Variants in DIMT1 observed in about 807,000 individuals in gnomAD.
DIMT1 encodes the protein DIM1 rRNA methyltransferase and ribosome maturation factor, also known as dimethyladenosine transferase.
Under a neutral mutation model 43.2 loss-of-function variants are expected in DIMT1, and 36 were observed. That is an observed-to-expected ratio of 0.83 (90% confidence interval 0.64 to 1.10). DIMT1 has a LOEUF of 1.10. Among genes scored for constraint, DIMT1 ranks in the 50% least tolerant of loss-of-function variants. The pLI, the probability that DIMT1 is intolerant of heterozygous loss-of-function variation, is 0.00. For synonymous variants in DIMT1, 126 were observed against 130.3 expected, an observed-to-expected ratio of 0.97 and a Z score of 0.22; for missense variants, 341 against 385.3, an observed-to-expected ratio of 0.88 and a Z score of 0.96.
In DIMT1 at chr5:62,402,063, A is replaced by T. The variant is rs766058886; in HGVS notation, c.213T>A (p.Thr71=). 6.2e-7 allele frequency: 1 copy of T among 1,613,842 alleles called. No homozygotes were observed. Among genetic ancestry groups the T allele is most frequent in the Non-Finnish European group, 8.5e-7 (1 of 1,179,956 alleles). The change falls in exon 3 of 12, where the codon ACT becomes ACA. Residue 71 remains threonine (T), a synonymous_variant. Transcript: ENST00000199320. ...TTTTTGCCTTTTCTAACAACTTTAC[A>T]GTCATGTTGCCAGTTCCAGGTCCAA... ...LEVGPGTGNM[T]VKLLEKAKKV... is the part of the protein sequence containing the mutation.
chr5:62,396,316 C>G (rs766570619), intron 6 of DIMT1, among the ~76,000 whole-genome samples: 67 of 151,656 alleles, frequency 4.4e-4, no homozygotes, highest in Non-Finnish European at 7.4e-4. Flanking sequence ...GGGAGACAGC[C>G]TGGGCAACAT....
In DIMT1 at chr5:62,403,895, G is replaced by T. The variant is rs928856001; in HGVS notation, c.-123C>A. 5 of 1,028,970 alleles carry T rather than the reference G, an allele frequency of 4.9e-6. No individual in the cohort carries two copies. Among genetic ancestry groups the T allele is most frequent in the African/African-American group, 3.2e-5 (2 of 61,638 alleles). The allele number at this position is 1,028,970 out of a possible 1,614,324, so 63.7% of individuals were successfully genotyped here. A position where few individuals can be genotyped will look rare whatever the true frequency, so the allele number is the denominator to read the frequency against. On this transcript the variant is annotated 5_prime_UTR_variant, in exon 1 of 12. Transcript: ENST00000199320. ...CCCGCACCACTCTGGCCCAAGCGCCGGAGGGGCAAGGGTCCGCCCCCTCCC... is the reference window on the plus strand; with the variant it reads ...CCCGCACCACTCTGGCCCAAGCGCCTGAGGGGCAAGGGTCCGCCCCCTCCC...
chr5:62,401,791 C>T (rs918989206), intron 3 of DIMT1, among the ~76,000 whole-genome samples: 3 of 151,768 alleles, frequency 2.0e-5, no homozygotes, highest in Admixed American at 6.6e-5. Flanking sequence ...CCATATTGCC[C>T]AGGATGGTCT....
At chr5:62,392,281 G>A (rs1742335799) in intron 9 of DIMT1, 47 bp from the exon 10 acceptor site, 1 of 1,538,734 alleles carries the variant, frequency 6.5e-7, no homozygotes, top group African/African-American at 1.4e-5. Flanking sequence ...CAAAGTCAGA[G>A]TAATTTCTTA....
chr5:62,394,676 GA>G, intron 6 of DIMT1, 69 bp from the exon 7 acceptor site: 1 of 1,596,790 alleles, frequency 6.3e-7, no homozygotes, highest in Non-Finnish European at 8.5e-7. Context: ...TAACTGCAAT[GA>G]ATTTTCTTGG....
At chr5:62,398,431 G>A (rs1742576485) in intron 6 of DIMT1, 80 bp downstream of exon 6, 1 of 1,394,118 alleles carries the variant, frequency 7.2e-7, no homozygotes. Flanking sequence ...CAACTGACCT[G>A]ACTCATTTTT....
At chr5:62,392,310 T>A (rs1742338192) in intron 9 of DIMT1, 76 bp from the exon 10 acceptor site, 5 of 1,164,052 alleles carry the variant, frequency 4.3e-6, no homozygotes, top group Middle Eastern at 4.0e-4. Context: ...AACTTTTTTT[T>A]AACTAATACA....
chr5:62,396,112 C>T (rs1318829306), intron 6 of DIMT1, among the ~76,000 whole-genome samples: 1 of 134,362 alleles, frequency 7.4e-6, no homozygotes, highest in African/African-American at 2.9e-5. Flanking sequence ...AACTGAGGCT[C>T]TGGGGAATTT....
intron 3 of DIMT1, among the ~76,000 whole-genome samples, chr5:62,400,234 C>CTT (rs2067327): frequency 0.34 from 51,879 of 151,866 alleles, 9,118 homozygotes; most frequent in African/African-American, 0.4. Flanking sequence ...GTTTCACTGA[C>CTT]TTTATTTTTA....
intron 8 of DIMT1, 25 bp downstream of exon 8, chr5:62,393,930 G>C (rs1272719977): frequency 1.9e-6 from 3 of 1,578,662 alleles, no homozygotes; most frequent in Non-Finnish European, 2.6e-6. Flanking sequence ...TTCCTTTATT[G>C]AATGAGCTAG....
At chr5:62,390,315 C>T (rs1742244916) in intron 11 of DIMT1, among the ~76,000 whole-genome samples, 1 of 152,172 alleles carries the variant, frequency 6.6e-6, no homozygotes, top group African/African-American at 2.4e-5. Context: ...AAATTTTGGT[C>T]TAAATTACCT....
chr5:62,399,153 A>C (rs1304973073), intron 3 of DIMT1, among the ~76,000 whole-genome samples: 1 of 151,682 alleles, frequency 6.6e-6, no homozygotes, highest in Non-Finnish European at 1.5e-5. Context: ...AACATGGTGA[A>C]ACCCCATCTC....
At chr5:62,396,528 G>A (rs1742502799) in intron 6 of DIMT1, among the ~76,000 whole-genome samples, 1 of 151,916 alleles carries the variant, frequency 6.6e-6, no homozygotes, top group African/African-American at 2.4e-5. Flanking sequence ...GAAGTCAGAA[G>A]GGGCCCAATC....
rs1412683289 is a variant in DIMT1 at position 62,398,358 on chromosome 5, A to G, written c.446+153T>C. On this transcript the variant is annotated intron_variant, in intron 6 of 11. Coordinates refer to ENST00000199320, the MANE Select transcript of DIMT1 (RefSeq NM_014473.4). ...CACACTACCCCCAAATAACCTCTCA[A>G]TTAAAGAGAGAAAGACCTCCATACA... 5 of 730,982 alleles carry G rather than the reference A, an allele frequency of 6.8e-6. No homozygotes were observed. The East Asian group carries it at 1.3e-4, about 18-fold the overall frequency. The allele number at this position is 730,982 out of a possible 1,614,324, so 45.3% of individuals were successfully genotyped here.
chr5:62,392,130 A>T (rs1561288744), intron 10 of DIMT1, 41 bp downstream of exon 10: 1 of 1,606,474 alleles, frequency 6.2e-7, no homozygotes, highest in Non-Finnish European at 8.5e-7. Flanking sequence ...ATTTTAAAAG[A>T]AAACAAATCA....
At chr5:62,401,945 T>A in intron 3 of DIMT1, 91 bp downstream of exon 3, 1 of 1,244,358 alleles carries the variant, frequency 8.0e-7, no homozygotes, top group Non-Finnish European at 1.1e-6. Flanking sequence ...ACTAAAATAA[T>A]AGCAATTAGT....
At chr5:62,393,573 C>T (rs1355518074) in intron 8 of DIMT1, among the ~76,000 whole-genome samples, 4 of 152,178 alleles carry the variant, frequency 2.6e-5, no homozygotes. Context: ...CAGTTGACCA[C>T]ACACACAATC....
At chr5:62,403,491 A>C in intron 1 of DIMT1, 145 bp from the exon 2 acceptor site, 4 of 983,000 alleles carry the variant, frequency 4.1e-6, no homozygotes, top group East Asian at 2.6e-5. Context: ...CAAACTCTTT[A>C]TAAGTTCATC....
intron 11 of DIMT1, among the ~76,000 whole-genome samples, chr5:62,389,361 C>T (rs1307424924): frequency 2.6e-5 from 4 of 151,806 alleles, no homozygotes; most frequent in African/African-American, 9.7e-5. Context: ...TGGCACATGC[C>T]TGTAATCCCA....
Sources: allele counts gnomAD v4.1 joint callset (sites outside exome capture counted in the v4.1 genomes callset), GRCh38; gene constraint gnomAD v4.1.1; transcripts MANE v1.5; gene names NCBI Gene and HGNC (gene_info 2026-07-23, HGNC 2026-07-21).